The following DMD variants were observed in gnomAD, a reference collection of about 807,000 sequenced individuals.
The protein encoded by DMD is mutant dystrophin.
DMD carries 63 observed loss-of-function variants against 330.1 expected under a neutral mutation model. That is an observed-to-expected ratio of 0.19 (90% confidence interval 0.16 to 0.24). DMD has a LOEUF of 0.24. Among genes scored for constraint, DMD ranks in the 10% least tolerant of loss-of-function variants. DMD has a pLI of 1.00. For synonymous variants in DMD, 1,223 were observed against 959.8 expected (o/e 1.27, Z -5.07); for missense variants, 3,344 against 2,684.1 (o/e 1.25, Z -5.43).
intron 9 of DMD, among the ~76,000 whole-genome samples, chrX:32,654,361 G>C (rs972288722): frequency 9.0e-6 from 1 of 111,514 alleles, no homozygotes; most frequent in Non-Finnish European, 1.9e-5. Flanking sequence ...TTAGCATGAA[G>C]GTTGTTGAAT....
At chrX:33,306,579 G>A (rs758808926) in intron 1 of DMD, among the ~76,000 whole-genome samples, 1 of 110,780 alleles carries the variant, frequency 9.0e-6, no homozygotes, top group South Asian at 3.8e-4. Flanking sequence ...TGATGGGTGT[G>A]GGGGACATGG....
chrX:32,924,156 C>T (rs748762353), intron 2 of DMD, among the ~76,000 whole-genome samples: 3 of 111,237 alleles, frequency 2.7e-5, no homozygotes, highest in South Asian at 3.8e-4. Flanking sequence ...AAAATGGCTA[C>T]GGCATCTGGA....
chrX:33,200,319 ATTAT>A (rs1285803262), intron 1 of DMD, among the ~76,000 whole-genome samples: 2 of 110,903 alleles, frequency 1.8e-5, no homozygotes, highest in Non-Finnish European at 3.8e-5. Flanking sequence ...TCAGTGTTGT[ATTAT>A]TTATCATGTT....
chrX:32,769,670 G>C (rs112384347), intron 7 of DMD, among the ~76,000 whole-genome samples: 164 of 111,541 alleles, frequency 1.5e-3, no homozygotes, highest in African/African-American at 5.1e-3. Flanking sequence ...AGGCCATCAA[G>C]ACTAATCATG....
At chrX:31,223,649 A>G (rs889980902) in intron 63 of DMD, among the ~76,000 whole-genome samples, 4 of 112,112 alleles carry the variant, frequency 3.6e-5, no homozygotes, top group Admixed American at 2.8e-4. Flanking sequence ...AAACTCAAAA[A>G]TAGGCACAAC....
chrX:32,516,612 A>T lies in DMD; in HGVS notation c.2292+1396T>A, dbSNP rs187130610. On this transcript the variant is annotated intron_variant, in intron 18 of 78. Coordinates refer to ENST00000357033, the MANE Select transcript of DMD (RefSeq NM_004006.3). ...ACAGAAACCTGTGAGAATCAGATCA[A>T]TAATCATTTTTAATTAGCTAATAAA... is the stretch of plus-strand genomic sequence containing the variant. The T allele has an allele frequency of 9.8e-4, 110 of 111,940 alleles. 1 individual carries two copies. Among genetic ancestry groups the T allele is most frequent in the African/African-American group, 3.3e-3 (101 of 30,913 alleles). 9.2% of individuals were successfully genotyped at this position (111,940 alleles called of 1,213,427 possible). A position where few individuals can be genotyped will look rare whatever the true frequency, so the allele number is the denominator to read the frequency against.
At chrX:31,813,305 T>C (rs939174399) in intron 50 of DMD, among the ~76,000 whole-genome samples, 4 of 112,089 alleles carry the variant, frequency 3.6e-5, no homozygotes, top group South Asian at 3.7e-4. Flanking sequence ...TTTATTGATA[T>C]GGTTTGGCTG....
chrX:31,251,198 A>G (rs1235877295), intron 63 of DMD, among the ~76,000 whole-genome samples: 3 of 107,548 alleles, frequency 2.8e-5, no homozygotes, highest in Non-Finnish European at 5.8e-5. Flanking sequence ...GTCTTGCTAT[A>G]TTGCCCAGGC....
At chrX:32,898,197 G>A (rs1382506404) in intron 2 of DMD, among the ~76,000 whole-genome samples, 1 of 111,906 alleles carries the variant, frequency 8.9e-6, no homozygotes, top group African/African-American at 3.2e-5. Flanking sequence ...TGGCGTTTTG[G>A]AAGTCAAACT....
chrX:32,734,940 A>G (rs2068235501), intron 7 of DMD, among the ~76,000 whole-genome samples: 1 of 108,056 alleles, frequency 9.3e-6, no homozygotes, highest in Admixed American at 9.9e-5. Flanking sequence ...GAAGGAAATA[A>G]AGGGTATTCA....
intron 36 of DMD, among the ~76,000 whole-genome samples, chrX:32,363,182 A>T (rs1438387236): frequency 8.9e-6 from 1 of 111,991 alleles, no homozygotes; most frequent in East Asian, 2.8e-4. Context: ...GTGATTTCAG[A>T]AAAATAGATC....
At chrX:32,746,337 T>A (rs1025344733) in intron 7 of DMD, among the ~76,000 whole-genome samples, 3 of 111,173 alleles carry the variant, frequency 2.7e-5, no homozygotes, top group African/African-American at 9.8e-5. Flanking sequence ...TTCACGTTTT[T>A]TATTTTTCAA....
intron 34 of DMD, among the ~76,000 whole-genome samples, chrX:32,369,780 C>A (rs2097866722): frequency 9.0e-6 from 1 of 110,985 alleles, no homozygotes; most frequent in Admixed American, 9.6e-5. Context: ...ATTTTATTAT[C>A]TTAAGAGTCT....
chrX:32,728,516 C>A (rs979367802), intron 7 of DMD, among the ~76,000 whole-genome samples: 1 of 111,652 alleles, frequency 9.0e-6, no homozygotes, highest in South Asian at 3.7e-4. Flanking sequence ...TTATACGCAG[C>A]TGCTTTATTT....
In DMD at chrX:32,380,694, T is replaced by A; in HGVS notation, c.4675-14A>T. 8.4e-7 allele frequency: 1 copy of A among 1,188,553 alleles called. No individual in the cohort carries two copies. The highest frequency in any genetic ancestry group is 1.1e-6 in the Non-Finnish European group (1 of 879,991). On this transcript the variant is annotated splice_polypyrimidine_tract_variant and intron_variant, in intron 33 of 78. Transcript: ENST00000357033. Reference sequence around the variant, plus strand: ...TCTTTCTGTTACCTGAAAAGAATTATAATGAAATGTAATTTAGTTTACTCT... The same window carrying A: ...TCTTTCTGTTACCTGAAAAGAATTAAAATGAAATGTAATTTAGTTTACTCT...
At chrX:31,208,361 A>T (rs759027858) in intron 65 of DMD, among the ~76,000 whole-genome samples, 1 of 112,494 alleles carries the variant, frequency 8.9e-6, no homozygotes, top group African/African-American at 3.2e-5. Context: ...TCAAGGAGTT[A>T]AAATTGTCAC....
intron 60 of DMD, among the ~76,000 whole-genome samples, chrX:31,421,006 C>A (rs1033405316): frequency 1.8e-5 from 2 of 112,233 alleles, no homozygotes; most frequent in African/African-American, 6.5e-5. Context: ...ATCTCCGCTG[C>A]CACTCCTCAT....
chrX:32,564,289 G>A (rs4829262), intron 16 of DMD, among the ~76,000 whole-genome samples: 51,961 of 110,281 alleles, frequency 0.47, 8,738 homozygotes, highest in East Asian at 0.66. Flanking sequence ...CCTTAAAAGG[G>A]ATGCACGTCA....
intron 55 of DMD, among the ~76,000 whole-genome samples, chrX:31,621,933 T>C (rs1212718392): frequency 8.9e-6 from 1 of 112,053 alleles, no homozygotes; most frequent in Non-Finnish European, 1.9e-5. Flanking sequence ...TCTTCTAAGG[T>C]GACTTTCTCT....
Sources: allele counts gnomAD v4.1 joint callset (sites outside exome capture counted in the v4.1 genomes callset), GRCh38; gene constraint gnomAD v4.1.1; transcripts MANE v1.5; gene names NCBI Gene and HGNC (gene_info 2026-07-23, HGNC 2026-07-21).